Variants in CSMD1 observed in about 807,000 individuals in gnomAD.
CSMD1 encodes the protein CUB and Sushi multiple domains 1, also known as CUB and sushi domain-containing protein 1.
A neutral mutation model predicts 417.5 loss-of-function variants in CSMD1; 213 were observed. The ratio of observed to expected loss-of-function variants is 0.51; its 90% CI spans 0.46 to 0.57. CSMD1 has a LOEUF of 0.57. Among genes scored for constraint, CSMD1 ranks in the 20% least tolerant of loss-of-function variants. The probability of loss-of-function intolerance (pLI) is 0.00; values close to 1 mark genes in which losing one functional copy is unlikely to be tolerated. For synonymous variants in CSMD1, 2,862 were observed against 1,736.8 expected, an observed-to-expected ratio of 1.65 and a Z score of -16.11; for missense variants, 6,923 against 4,529.7, an observed-to-expected ratio of 1.53 and a Z score of -15.17.
rs189929732 is a variant in CSMD1, at chr8:3,481,741, T to G, written c.1448+11882A>C. Among the ~76,000 whole-genome samples, 6 of 152,096 alleles carry G rather than the reference T, an allele frequency of 3.9e-5. No homozygotes were observed. In the East Asian group the frequency reaches 7.7e-4, roughly 20 times the overall value. ...TCTGAATTCAGAGAGTGGGTTGATG[T>G]GGCCACAAGCCAAGGAACGCCAGCA... On this transcript the variant is annotated intron_variant, in intron 11 of 69. Coordinates refer to ENST00000635120, the MANE Select transcript of CSMD1 (RefSeq NM_033225.6).
chr8:3,359,182 C>A lies in CSMD1; in HGVS notation c.3274G>T (p.Val1092Leu). The change falls in exon 21 of 70, where the codon GTG (valine) becomes TTG (leucine). Residue 1092 changes from valine to leucine, a missense_variant. Physicochemically the swap from Val to Leu is conservative, Grantham distance 32. Transcript: ENST00000635120. Reference protein sequence around the residue: ...KLTCLGGGRRVWSAPLPRCVA... With the variant: ...KLTCLGGGRRLWSAPLPRCVA... ...CACCTTGGCAGAGGTGCACTCCACA[C>A]ACGGCGGCCCCCACCCAGGCAGGTA... 1 of 1,614,022 alleles carries A rather than the reference C, an allele frequency of 6.2e-7. No homozygotes were observed. The highest frequency in any genetic ancestry group is 8.5e-7 in the Non-Finnish European group (1 of 1,179,956).
Position 4,557,047 on chromosome 8 carries a change from T to G in CSMD1, c.302+80295A>C, listed in dbSNP as rs1302324499. Among the ~76,000 whole-genome samples, 3 of 152,332 alleles carry G rather than the reference T, an allele frequency of 2.0e-5. No individual in the cohort carries two copies. In the East Asian group the frequency reaches 5.8e-4, roughly 29 times the overall value. ...TTCAAGTGTAATTTTTATAAAGGAT[T>G]TTTTAACAATCACTTATGGGTCATG... On this transcript the variant is annotated intron_variant, in intron 2 of 69. Transcript: ENST00000635120.
At chr8:4,385,125 C>T (rs1324426384) in intron 3 of CSMD1, among the ~76,000 whole-genome samples, 2 of 150,814 alleles carry the variant, frequency 1.3e-5, no homozygotes, top group Admixed American at 1.3e-4. Flanking sequence ...CGGTGTTTCA[C>T]CATGTTGGCC....
At chr8:3,387,324 A>T (rs750988784) in intron 18 of CSMD1, among the ~76,000 whole-genome samples, 170 bp downstream of exon 18, 2 of 152,200 alleles carry the variant, frequency 1.3e-5, no homozygotes, top group Non-Finnish European at 2.9e-5. Flanking sequence ...GGTGGTAGGT[A>T]AACTTCAAAT....
intron 3 of CSMD1, among the ~76,000 whole-genome samples, chr8:4,125,465 A>C (rs890675885): frequency 1.3e-5 from 2 of 152,194 alleles, no homozygotes; most frequent in Admixed American, 6.5e-5. Flanking sequence ...CCTAAAATGA[A>C]TAAAACCAAG....
At chr8:4,174,227 C>G (rs549371490) in intron 3 of CSMD1, among the ~76,000 whole-genome samples, 1 of 152,114 alleles carries the variant, frequency 6.6e-6, no homozygotes, top group Non-Finnish European at 1.5e-5. Context: ...AGGACACCGT[C>G]TTGAAAGCAA....
intron 26 of CSMD1, among the ~76,000 whole-genome samples, chr8:3,255,119 A>G (rs1563191516): frequency 6.6e-6 from 1 of 151,948 alleles, no homozygotes; most frequent in Admixed American, 6.5e-5. Context: ...GGTCTCTTGG[A>G]GTTTGCGGAG....
intron 23 of CSMD1, 99 bp from the exon 24 acceptor site, chr8:3,308,602 G>T (rs752454683): frequency 6.9e-5 from 62 of 896,406 alleles, no homozygotes; most frequent in Non-Finnish European, 9.5e-5. Context: ...CTCCTTGAAG[G>T]GTAGGGAGAA....
intron 2 of CSMD1, among the ~76,000 whole-genome samples, chr8:4,464,703 T>G (rs1403154781): frequency 6.6e-6 from 1 of 151,988 alleles, no homozygotes; most frequent in Non-Finnish European, 1.5e-5. Flanking sequence ...TCTGTATTGT[T>G]GTGTTTTAAT....
intron 2 of CSMD1, among the ~76,000 whole-genome samples, chr8:4,556,548 C>G (rs1459135061): frequency 6.6e-6 from 1 of 152,044 alleles, no homozygotes; most frequent in East Asian, 1.9e-4. Flanking sequence ...CTCGGTACAA[C>G]AGAGAAAATA....
chr8:4,728,242 T>C (rs1484836405), intron 1 of CSMD1, among the ~76,000 whole-genome samples: 2 of 149,910 alleles, frequency 1.3e-5, no homozygotes, highest in African/African-American at 4.9e-5. Context: ...CTACACCTAA[T>C]GATATGAAGT....
chr8:4,902,434 G>C (rs973838326), intron 1 of CSMD1, among the ~76,000 whole-genome samples: 13 of 140,002 alleles, frequency 9.3e-5, no homozygotes, highest in Admixed American at 7.0e-5. Flanking sequence ...CTAAAGAGGA[G>C]AAAAAAAAAA....
At chr8:3,909,303 T>C (rs1027305883) in intron 5 of CSMD1, among the ~76,000 whole-genome samples, 2 of 152,114 alleles carry the variant, frequency 1.3e-5, no homozygotes, top group African/African-American at 2.4e-5. Context: ...TCTGTAACTT[T>C]TACTTCTCCT....
intron 3 of CSMD1, among the ~76,000 whole-genome samples, chr8:4,332,173 C>G (rs921003488): frequency 6.6e-6 from 1 of 152,098 alleles, no homozygotes; most frequent in African/African-American, 2.4e-5. Context: ...GCAAACACAA[C>G]TGTGGACAGA....
chr8:4,296,005 A>G (rs1343430241), intron 3 of CSMD1, among the ~76,000 whole-genome samples: 1 of 151,906 alleles, frequency 6.6e-6, no homozygotes, highest in Non-Finnish European at 1.5e-5. Context: ...TAAAGACTTT[A>G]TCTCCAACAA....
chr8:4,073,630 TA>T (rs1295643909), intron 3 of CSMD1, among the ~76,000 whole-genome samples: 1 of 152,156 alleles, frequency 6.6e-6, no homozygotes, highest in Admixed American at 6.5e-5. Flanking sequence ...AATTGAATTT[TA>T]ATGAATTTAT....
intron 5 of CSMD1, among the ~76,000 whole-genome samples, chr8:3,859,902 C>A (rs919275077): frequency 1.3e-5 from 2 of 152,172 alleles, no homozygotes; most frequent in Admixed American, 1.3e-4. Flanking sequence ...ATATATTCTT[C>A]TTCTGTAATA....
At position 4,252,740 on chromosome 8, in the gene CSMD1, G is replaced by A. The variant is rs142863550; in HGVS notation, c.415+167213C>T. Among the ~76,000 whole-genome samples, 514 of 152,276 alleles carry A rather than the reference G, an allele frequency of 3.4e-3. 1 individual carries two copies. Among genetic ancestry groups the A allele is most frequent in the African/African-American group, 0.011 (463 of 41,560 alleles). ...TTGGTTGTACAGGAATTATGAGAGC[G>A]CTTTTAGATGGGACTGCAGTGGCAG... On this transcript the variant is annotated intron_variant, in intron 3 of 69. Transcript: ENST00000635120.
intron 5 of CSMD1, among the ~76,000 whole-genome samples, chr8:3,830,441 GTGAT>G (rs936558307): frequency 1.3e-5 from 2 of 152,210 alleles, no homozygotes; most frequent in Non-Finnish European, 2.9e-5. Flanking sequence ...GTTGACTACT[GTGAT>G]TGTTTTAACA....
Sources: allele counts gnomAD v4.1 joint callset (sites outside exome capture counted in the v4.1 genomes callset), GRCh38; gene constraint gnomAD v4.1.1; transcripts MANE v1.5; gene names NCBI Gene and HGNC (gene_info 2026-07-23, HGNC 2026-07-21).